Variants in RGS7 observed in about 807,000 individuals in gnomAD.
RGS7 encodes regulator of G-protein signaling 7.
Under a neutral mutation model 81.1 loss-of-function variants are expected in RGS7, and 27 were observed. The observed-to-expected ratio is 0.33, with a 90% confidence interval of 0.25 to 0.46. The LOEUF is 0.46. Among genes scored for constraint, RGS7 ranks in the 20% least tolerant of loss-of-function variants. The pLI, the probability that RGS7 is intolerant of heterozygous loss-of-function variation, is 1.00. For synonymous variants in RGS7, 208 were observed against 207.7 expected (o/e 1.00, Z -0.01); for missense variants, 396 against 607.4 (o/e 0.65, Z 3.66).
chr1:241,015,280 T>C lies in RGS7; in HGVS notation c.176-32151A>G, dbSNP rs565484425. On this transcript the variant is annotated intron_variant, in intron 3 of 18. Transcript: ENST00000440928. ...CAAGTTTCATTATGTTCATCTGTCG[T>C]GTACTTTCTGGGCTAATTGTTCTGC... Among the ~76,000 whole-genome samples, 5 of 152,334 alleles carry C rather than the reference T, an allele frequency of 3.3e-5. No homozygotes were observed. The East Asian group carries it at 9.6e-4, about 29-fold the overall frequency.
At chr1:241,307,456 T>C (rs927761205) in intron 2 of RGS7, among the ~76,000 whole-genome samples, 2 of 152,166 alleles carry the variant, frequency 1.3e-5, no homozygotes, top group Non-Finnish European at 2.9e-5. Flanking sequence ...AAGCAGTGAG[T>C]AGGCCCTTTA....
rs543126396 is a variant in RGS7 at position 241,093,638 on chromosome 1, A to C, written c.175+5028T>G. ...TTTAATCTAGGGGAAAAAATAAATA[A>C]AATAAAGTAAAATAAAAACAAAAAT... is the stretch of plus-strand genomic sequence containing the variant. On this transcript the variant is annotated intron_variant, in intron 3 of 18. Coordinates refer to ENST00000440928, the MANE Select transcript of RGS7 (RefSeq NM_001364886.1). Among the ~76,000 whole-genome samples, 9 of 152,228 alleles carry C rather than the reference A, an allele frequency of 5.9e-5. No homozygotes were observed. In the South Asian group the frequency reaches 1.7e-3, roughly 28 times the overall value.
intron 2 of RGS7, among the ~76,000 whole-genome samples, chr1:241,240,897 G>A (rs564726044): frequency 3.9e-5 from 6 of 152,292 alleles, no homozygotes; most frequent in African/African-American, 1.4e-4. Context: ...GAGGACTGAT[G>A]TTGGCCTCCC....
chr1:240,866,817 C>T (rs1469169737), intron 9 of RGS7, among the ~76,000 whole-genome samples: 1 of 152,128 alleles, frequency 6.6e-6, no homozygotes, highest in East Asian at 1.9e-4. Context: ...TCTCTGTGAG[C>T]ATGAGAGTCT....
chr1:240,896,981 C>T (rs1324146058), intron 6 of RGS7, among the ~76,000 whole-genome samples: 1 of 152,108 alleles, frequency 6.6e-6, no homozygotes, highest in Non-Finnish European at 1.5e-5. Flanking sequence ...TTGTAGTTCT[C>T]CTTGAAGAGG....
At chr1:241,127,386 A>G (rs1171726839) in intron 2 of RGS7, among the ~76,000 whole-genome samples, 1 of 152,228 alleles carries the variant, frequency 6.6e-6, no homozygotes, top group East Asian at 1.9e-4. Context: ...ATAAATTACT[A>G]AATCCGTCAA....
At chr1:240,955,767 G>C (rs546327545) in intron 4 of RGS7, among the ~76,000 whole-genome samples, 79 of 152,216 alleles carry the variant, frequency 5.2e-4, no homozygotes, top group Non-Finnish European at 8.1e-4. Flanking sequence ...AAAAAGAATA[G>C]TGTTTTTCAT....
chr1:240,827,080 A>G lies in RGS7; in HGVS notation c.684+18T>C. ...TGCAATCCATCACCAAGATCAGCAC[A>G]ACAAATGACAGTTTTACCTTCCGTG... On this transcript the variant is annotated intron_variant, in intron 10 of 18. Transcript: ENST00000440928. The G allele has an allele frequency of 6.2e-7, 1 of 1,600,996 alleles. No individual in the cohort carries two copies.
intron 6 of RGS7, among the ~76,000 whole-genome samples, chr1:240,900,550 G>A (rs1360597945): frequency 6.6e-6 from 1 of 152,120 alleles, no homozygotes; most frequent in Non-Finnish European, 1.5e-5. Context: ...GGAGTTTGCT[G>A]GAGGTCCACT....
chr1:241,306,493 G>A (rs186779102), intron 2 of RGS7, among the ~76,000 whole-genome samples: 1 of 131,514 alleles, frequency 7.6e-6, no homozygotes, highest in Non-Finnish European at 1.6e-5. Context: ...CGCACACATT[G>A]TTACACAAAC....
intron 2 of RGS7, among the ~76,000 whole-genome samples, chr1:241,257,168 A>G (rs1011362089): frequency 1.3e-5 from 2 of 152,082 alleles, no homozygotes; most frequent in Non-Finnish European, 2.9e-5. Flanking sequence ...TATTTCTCAT[A>G]GTCCTGGATG....
At chr1:240,902,191 T>C (rs1232355114) in intron 6 of RGS7, among the ~76,000 whole-genome samples, 1 of 152,230 alleles carries the variant, frequency 6.6e-6, no homozygotes, top group Non-Finnish European at 1.5e-5. Context: ...ATCTAATGTT[T>C]CTTGTCAACT....
chr1:241,178,213 G>C (rs1398147095), intron 2 of RGS7, among the ~76,000 whole-genome samples: 1 of 152,040 alleles, frequency 6.6e-6, no homozygotes, highest in Admixed American at 6.6e-5. Context: ...GATAACTTGA[G>C]CCCAGGCATT....
At chr1:241,337,706 A>G (rs1182504209) in intron 2 of RGS7, among the ~76,000 whole-genome samples, 1 of 152,172 alleles carries the variant, frequency 6.6e-6, no homozygotes, top group Non-Finnish European at 1.5e-5. Context: ...GTTTTATACT[A>G]AGCCTGTCAC....
At chr1:240,945,768 C>T (rs543090188) in intron 4 of RGS7, among the ~76,000 whole-genome samples, 1 of 152,290 alleles carries the variant, frequency 6.6e-6, no homozygotes, top group East Asian at 1.9e-4. Context: ...ATGTTTGCAA[C>T]TTTTGAATAA....
At chr1:240,845,203 T>C (rs1052379789) in intron 9 of RGS7, among the ~76,000 whole-genome samples, 1 of 152,200 alleles carries the variant, frequency 6.6e-6, no homozygotes, top group Non-Finnish European at 1.5e-5. Flanking sequence ...GGGATATTTA[T>C]ACCTGTTGCA....
chr1:241,290,479 A>G (rs1474557742), intron 2 of RGS7, among the ~76,000 whole-genome samples: 1 of 152,224 alleles, frequency 6.6e-6, no homozygotes, highest in Non-Finnish European at 1.5e-5. Context: ...AGTACAAAAT[A>G]AAAATCATTC....
Position 240,775,821 on chromosome 1 carries a change from C to T in RGS7, c.*399G>A, listed in dbSNP as rs1049107844. ...CTTTTACAGTTCTTCCAGTTTTTGA[C>T]TGACTGAATTTTCAGTGAACTGTGT... On this transcript the variant is annotated 3_prime_UTR_variant, in exon 19 of 19. Coordinates refer to ENST00000440928, the MANE Select transcript of RGS7 (RefSeq NM_001364886.1). The T allele has an allele frequency of 1.1e-5, 3 of 262,214 alleles. No homozygotes were observed. The Admixed American group carries it at 1.4e-4, about 13-fold the overall frequency. The allele number at this position is 262,214 out of a possible 1,614,324, so 16.2% of individuals were successfully genotyped here.
chr1:240,933,726 T>G (rs1216926616), intron 5 of RGS7, among the ~76,000 whole-genome samples: 1 of 152,016 alleles, frequency 6.6e-6, no homozygotes, highest in African/African-American at 2.4e-5. Flanking sequence ...GTTCAATAAC[T>G]GTTGGAGCAT....
Sources: allele counts gnomAD v4.1 joint callset (sites outside exome capture counted in the v4.1 genomes callset), GRCh38; gene constraint gnomAD v4.1.1; transcripts MANE v1.5; gene names NCBI Gene and HGNC (gene_info 2026-07-23, HGNC 2026-07-21).